Variants in SDC3 observed in about 807,000 individuals in gnomAD.
The protein encoded by SDC3 is syndecan 3, also known as syndecan-3.
In SDC3, 13 loss-of-function variants were observed where a neutral mutation model predicts 24.4. The observed-to-expected ratio is 0.53, with a 90% CI of 0.35 to 0.85. SDC3 has a LOEUF of 0.85. Among genes scored for constraint, SDC3 ranks in the 40% least tolerant of loss-of-function variants. The probability of loss-of-function intolerance (pLI) is 0.01; values close to 1 mark genes in which losing one functional copy is unlikely to be tolerated. For missense variants in SDC3, 571 were observed against 584.5 expected, an observed-to-expected ratio of 0.98 and a Z score of 0.24; for synonymous variants, 295 against 260.9, an observed-to-expected ratio of 1.13 and a Z score of -1.26.
Position 30,873,375 on chromosome 1 carries a change from C to T in SDC3, c.1165G>A (p.Val389Met). 1.9e-6 allele frequency: 3 copies of T among 1,613,262 alleles called. No homozygotes were observed. Among genetic ancestry groups the T allele is most frequent in the Non-Finnish European group, 2.5e-6 (3 of 1,179,354 alleles). Residue 389 changes from valine (V) to methionine (M), a missense_variant and splice_region_variant, in exon 5 of 5, where the codon GTG becomes ATG. This residue lies in a region of SDC3 where 74 missense variants were observed against 112.9 expected (regional missense o/e 0.66). Coordinates refer to ENST00000339394, the MANE Select transcript of SDC3 (RefSeq NM_014654.4). ...ILERKEVLVA[V>M]IVGGVVGALF... is the part of the protein sequence containing the mutation. ...GCGCCCACCACCCCGCCCACAATCA[C>T]AGCTGTGGAAGAAGAGGGCACAGGT...
chr1:30,905,430 C>T lies in SDC3; in HGVS notation c.138+3019G>A, dbSNP rs184770693. Among the ~76,000 whole-genome samples, 372 of 149,278 alleles carry T rather than the reference C, an allele frequency of 2.5e-3. 1 individual carries two copies. The highest frequency in any genetic ancestry group is 4.1e-3 in the Non-Finnish European group (276 of 67,266). ...CTCCCCACCCCTCCTGCCTTCCCAA[C>T]CACAGTACAGCAACTTTGTAAAAGA... On this transcript the variant is annotated intron_variant, in intron 1 of 4. Coordinates refer to ENST00000339394, the MANE Select transcript of SDC3 (RefSeq NM_014654.4).
chr1:30,891,504 A>C (rs1174288487), intron 1 of SDC3, among the ~76,000 whole-genome samples: 30 of 152,160 alleles, frequency 2.0e-4, no homozygotes, highest in Non-Finnish European at 1.2e-4. Flanking sequence ...TCAGGTATGA[A>C]GCCTAAAACC....
At chr1:30,895,702 C>A (rs569896479) in intron 1 of SDC3, among the ~76,000 whole-genome samples, 5 of 152,256 alleles carry the variant, frequency 3.3e-5, no homozygotes, top group African/African-American at 1.2e-4. Flanking sequence ...CTAACTACCC[C>A]CTCAGCCCTC....
chr1:30,876,283 G>A (rs1404459426), intron 3 of SDC3, among the ~76,000 whole-genome samples: 2 of 151,988 alleles, frequency 1.3e-5, no homozygotes, highest in Non-Finnish European at 2.9e-5. Flanking sequence ...CACTCAGCCC[G>A]GCCCCCCTTG....
At chr1:30,897,111 G>A (rs1355192053) in intron 1 of SDC3, among the ~76,000 whole-genome samples, 1 of 152,226 alleles carries the variant, frequency 6.6e-6, no homozygotes, top group Non-Finnish European at 1.5e-5. Flanking sequence ...GAAGAAGGGT[G>A]TGGGAGGAGC....
chr1:30,907,814 C>G (rs1638555528), intron 1 of SDC3, among the ~76,000 whole-genome samples: 1 of 152,200 alleles, frequency 6.6e-6, no homozygotes, highest in Admixed American at 6.5e-5. Flanking sequence ...CACCAAGTCA[C>G]CCTCCACCTC....
chr1:30,888,758 T>A (rs995876756), intron 1 of SDC3, among the ~76,000 whole-genome samples: 18 of 152,222 alleles, frequency 1.2e-4, no homozygotes, highest in African/African-American at 4.1e-4. Flanking sequence ...GCAGTCCCAC[T>A]GGCTTCTCGG....
At chr1:30,890,676 C>T (rs1639891456) in intron 1 of SDC3, among the ~76,000 whole-genome samples, 2 of 152,152 alleles carry the variant, frequency 1.3e-5, no homozygotes, top group Admixed American at 6.5e-5. Context: ...TCAAAAATAA[C>T]AATGAATATG....
chr1:30,893,291 CA>C (rs1639933190), intron 1 of SDC3, among the ~76,000 whole-genome samples: 11 of 64,434 alleles, frequency 1.7e-4, no homozygotes, highest in East Asian at 4.8e-4. Context: ...ATACCCACCC[CA>C]CCCACCAGGA....
rs1407483490 is a variant in SDC3, at chr1:30,878,655, A to C, written c.224T>G (p.Leu75Arg). The change falls in exon 2 of 5, where the codon CTG (leucine) becomes CGG (arginine). Residue 75 changes from leucine (L) to arginine (R), a missense_variant. Physicochemically the swap from Leu to Arg is moderately radical, Grantham distance 102. Transcript: ENST00000339394. Reference sequence around the variant, plus strand: ...GCCCGACCCCGAGTAGAGGTCATCCAGTTCATCATCGGGAAAGGAGTCATC... The same window carrying C: ...GCCCGACCCCGAGTAGAGGTCATCCCGTTCATCATCGGGAAAGGAGTCATC... ...GDDDSFPDDELDDLYSGSGSG... is the reference protein window; with the variant it reads ...GDDDSFPDDERDDLYSGSGSG... 6.2e-7 allele frequency: 1 copy of C among 1,614,020 alleles called. No individual in the cohort carries two copies. The highest frequency in any genetic ancestry group is 1.3e-5 in the African/African-American group (1 of 74,942).
At chr1:30,903,490 C>T (rs1026075150) in intron 1 of SDC3, among the ~76,000 whole-genome samples, 4 of 152,154 alleles carry the variant, frequency 2.6e-5, no homozygotes, top group Non-Finnish European at 5.9e-5. Flanking sequence ...GTTTATAAAG[C>T]TCTCTCTCCC....
Position 30,884,858 on chromosome 1 carries a change from G to T in SDC3, c.139-6118C>A, listed in dbSNP as rs566482839. 3.3e-5 allele frequency among the ~76,000 whole-genome samples: 5 copies of T among 152,280 alleles called. No individual in the cohort carries two copies. The South Asian group carries it at 1.0e-3, about 32-fold the overall frequency. On this transcript the variant is annotated intron_variant, in intron 1 of 4. Transcript: ENST00000339394. ...AATGGAAATAACCCACATACTGAAC[G>T]ACAGGGGACGAGTTAAATAAATGAG...
At chr1:30,875,741 G>A (rs1016851099) in intron 3 of SDC3, among the ~76,000 whole-genome samples, 5 of 152,154 alleles carry the variant, frequency 3.3e-5, no homozygotes, top group Admixed American at 2.0e-4. Context: ...CTGGCCCTGC[G>A]AGACTGCCCG....
At chr1:30,908,395 C>A (rs1638574561) in intron 1 of SDC3, 54 bp downstream of exon 1, 6 of 963,096 alleles carry the variant, frequency 6.2e-6, no homozygotes, top group Non-Finnish European at 7.3e-6. Flanking sequence ...CGGCACCCCG[C>A]GCGGGGGGCG....
intron 1 of SDC3, among the ~76,000 whole-genome samples, chr1:30,906,676 T>C (rs778121077): frequency 6.6e-6 from 1 of 151,888 alleles, no homozygotes; most frequent in Non-Finnish European, 1.5e-5. Flanking sequence ...GAGGAAGGGG[T>C]CATTAGCCCC....
At chr1:30,896,968 CAA>C (rs766955202) in intron 1 of SDC3, among the ~76,000 whole-genome samples, 17 of 151,824 alleles carry the variant, frequency 1.1e-4, no homozygotes. Context: ...ATGCCAAAAA[CAA>C]AAAAACAGGA....
Position 30,872,756 on chromosome 1 carries a change from C to T in SDC3, c.*455G>A. The T allele has an allele frequency of 5.4e-6, 1 of 186,862 alleles. No homozygotes were observed. Among genetic ancestry groups the T allele is most frequent in the East Asian group, 1.4e-4 (1 of 7,152 alleles). The allele number at this position is 186,862 out of a possible 1,614,324, so 11.6% of individuals were successfully genotyped here. A position where few individuals can be genotyped will look rare whatever the true frequency, so the allele number is the denominator to read the frequency against. ...GGATACGAGCAAGAGGTTGCAGTGT[C>T]TAGATGATTTCAAGGGCTGTGTTTA... On this transcript the variant is annotated 3_prime_UTR_variant, in exon 5 of 5. Transcript: ENST00000339394.
intron 1 of SDC3, among the ~76,000 whole-genome samples, chr1:30,879,677 T>C (rs1217688072): frequency 6.6e-6 from 1 of 152,202 alleles, no homozygotes; most frequent in Non-Finnish European, 1.5e-5. Context: ...TGCCCAGGGC[T>C]GTCTTCACTG....
In SDC3 at chr1:30,870,384, C is replaced by G. The variant is rs1266110637; in HGVS notation, c.*2827G>C. 6.5e-6 allele frequency: 1 copy of G among 154,928 alleles called. No homozygotes were observed. Among genetic ancestry groups the G allele is most frequent in the Non-Finnish European group, 1.4e-5 (1 of 70,032 alleles). The allele number at this position is 154,928 out of a possible 1,614,324, so 9.6% of individuals were successfully genotyped here. ...CAGAGGCTCTCAAGCCACAGAAGCT[C>G]CCTCTCATTTGGAACTCCCTGTGCT... On this transcript the variant is annotated 3_prime_UTR_variant, in exon 5 of 5. Transcript: ENST00000339394.
Sources: gnomAD v4.1 joint callset for allele counts (sites outside exome capture counted in the v4.1 genomes callset) on GRCh38, gnomAD v4.1.1 for gene constraint, gnomAD v4.1.1 regional missense constraint, MANE v1.5 for transcripts, NCBI Gene and HGNC (gene_info 2026-07-23, HGNC 2026-07-21) for gene names.